Variants in SOAT1 observed in about 807,000 individuals in gnomAD.
SOAT1 encodes acyl-coenzyme A:cholesterol acyltransferase 1.
A neutral mutation model predicts 69.5 loss-of-function variants in SOAT1; 55 were observed. That is an observed-to-expected ratio of 0.79 (90% CI 0.64 to 0.99). The LOEUF (loss-of-function observed/expected upper bound fraction) is 0.99, where lower values mean the gene tolerates loss of function less well. Ranked by LOEUF, SOAT1 falls within the 50% of genes least tolerant of loss-of-function variation. The pLI, the probability that SOAT1 is intolerant of heterozygous loss-of-function variation, is 0.00. For missense variants in SOAT1, 580 were observed against 669.3 expected, an observed-to-expected ratio of 0.87 and a Z score of 1.47; for synonymous variants, 231 against 224.7, an observed-to-expected ratio of 1.03 and a Z score of -0.25.
At chr1:179,333,863 A>G (rs1666057903) in intron 3 of SOAT1, among the ~76,000 whole-genome samples, 1 of 152,006 alleles carries the variant, frequency 6.6e-6, no homozygotes, top group African/African-American at 2.4e-5. Context: ...TCAAGGAAGA[A>G]CTCATTTTTT....
chr1:179,343,821 T>G (rs1666425242), intron 10 of SOAT1, among the ~76,000 whole-genome samples, 186 bp downstream of exon 10: 1 of 152,222 alleles, frequency 6.6e-6, no homozygotes, highest in South Asian at 2.1e-4. Context: ...AGTAATTTTC[T>G]TTAATAAAAG....
intron 2 of SOAT1, among the ~76,000 whole-genome samples, chr1:179,321,255 C>G (rs1478984123): frequency 2.9e-4 from 44 of 152,104 alleles, no homozygotes; most frequent in Admixed American, 2.9e-3. Flanking sequence ...GCAATCATTT[C>G]TGGTTGAGGA....
intron 2 of SOAT1, among the ~76,000 whole-genome samples, chr1:179,322,605 A>G (rs147548337): frequency 5.0e-4 from 76 of 152,304 alleles, no homozygotes; most frequent in African/African-American, 1.7e-3. Context: ...GAGGAATTGC[A>G]CTTATGTCTG....
In SOAT1 at chr1:179,324,960, G is replaced by A. The variant is rs1358572605; in HGVS notation, c.177+1465G>A. On this transcript the variant is annotated intron_variant, in intron 3 of 15. Transcript: ENST00000367619. ...TGAGACTACAGGCACATGCCACCAC[G>A]CCTGGCTAATTTTTTGTAATTTTTA... is the stretch of plus-strand genomic sequence containing the variant. 2.7e-5 allele frequency among the ~76,000 whole-genome samples: 4 copies of A among 150,338 alleles called. No homozygotes were observed. The South Asian group carries it at 6.4e-4, about 24-fold the overall frequency.
In SOAT1 at chr1:179,344,979, C is replaced by A; in HGVS notation, c.1020C>A (p.Ile340=). 1 of 1,614,078 alleles carries A rather than the reference C, an allele frequency of 6.2e-7. No individual in the cohort carries two copies. The highest frequency in any genetic ancestry group is 2.2e-5 in the East Asian group (1 of 44,872). ...GTTGCTTTTTCTATGTGTACTACAT[C>A]TTTGAAAGGCTTTGTGCCCCCTTGT... ...VFGCFFYVYY[I]FERLCAPLFR... is the part of the protein sequence containing the mutation. The change falls in exon 11 of 16, where the codon ATC becomes ATA. Residue 340 remains isoleucine (I), a synonymous_variant. Transcript: ENST00000367619.
chr1:179,336,723 A>G (rs1024167853), intron 4 of SOAT1, among the ~76,000 whole-genome samples: 5 of 152,072 alleles, frequency 3.3e-5, no homozygotes, highest in Non-Finnish European at 7.4e-5. Flanking sequence ...ATGGCTGGGC[A>G]TGGTGGCTCA....
chr1:179,320,350 T>C (rs545281555), intron 2 of SOAT1, among the ~76,000 whole-genome samples: 2 of 152,174 alleles, frequency 1.3e-5, no homozygotes, highest in Admixed American at 6.6e-5. Flanking sequence ...ATCATAAAGG[T>C]GAATGTTTAT....
At chr1:179,347,387 A>G (rs1666571905) in intron 11 of SOAT1, among the ~76,000 whole-genome samples, 2 of 149,648 alleles carry the variant, frequency 1.3e-5, no homozygotes, top group African/African-American at 2.5e-5. Context: ...CAGACTGGGT[A>G]ATGTCATTTG....
intron 3 of SOAT1, among the ~76,000 whole-genome samples, chr1:179,327,255 T>G (rs1665825383): frequency 6.6e-6 from 1 of 152,202 alleles, no homozygotes; most frequent in African/African-American, 2.4e-5. Flanking sequence ...TAATTCCTCT[T>G]GTGGGTTTTT....
rs1453492683 is a variant in SOAT1 at position 179,341,047 on chromosome 1, C to G, written c.517C>G (p.Leu173Val). Residue 173 changes from leucine to valine, a missense_variant, in exon 7 of 16, where the codon CTC (leucine) becomes GTC (valine). Physicochemically the swap from Leu to Val is conservative, Grantham distance 32 (BLOSUM62 1). Coordinates refer to ENST00000367619, the MANE Select transcript of SOAT1 (RefSeq NM_003101.6). ...CCCCAGGCTGGTGCTTGAGTTCAGC[C>G]TCCTGTCTTATGCTTTTGGCAAATT... ...DEGRLVLEFS[L>V]LSYAFGKFPT... 1 of 1,614,072 alleles carries G rather than the reference C, an allele frequency of 6.2e-7. No homozygotes were observed. Among genetic ancestry groups the G allele is most frequent in the Admixed American group, 1.7e-5 (1 of 60,010 alleles).
intron 12 of SOAT1, among the ~76,000 whole-genome samples, chr1:179,348,495 C>T (rs1666608041): frequency 6.6e-6 from 1 of 152,018 alleles, no homozygotes; most frequent in African/African-American, 2.4e-5. Flanking sequence ...TTTCTCATGA[C>T]ATTCTAGTAG....
chr1:179,323,297 C>T, intron 2 of SOAT1, 140 bp from the exon 3 acceptor site: 1 of 600,064 alleles, frequency 1.7e-6, no homozygotes, highest in Non-Finnish European at 2.9e-6. Context: ...GTTATTTTGA[C>T]CATGCTGTCG....
intron 2 of SOAT1, among the ~76,000 whole-genome samples, chr1:179,319,854 G>A (rs1169812736): frequency 6.6e-6 from 1 of 152,086 alleles, no homozygotes; most frequent in African/African-American, 2.4e-5. Flanking sequence ...GGGCTTAAGT[G>A]ATCCTCCCAC....
intron 1 of SOAT1, among the ~76,000 whole-genome samples, chr1:179,300,817 C>T (rs933851451): frequency 1.3e-5 from 2 of 151,864 alleles, no homozygotes; most frequent in East Asian, 1.9e-4. Flanking sequence ...TTTTTTTGGC[C>T]GGGTGCGGTG....
chr1:179,311,750 CTT>C (rs1665229411), intron 2 of SOAT1, among the ~76,000 whole-genome samples: 1 of 152,042 alleles, frequency 6.6e-6, no homozygotes, highest in African/African-American at 2.4e-5. Flanking sequence ...TATATAATAA[CTT>C]GATAAGTGTT....
At chr1:179,334,907 C>T (rs188274469) in intron 3 of SOAT1, among the ~76,000 whole-genome samples, 138 of 149,130 alleles carry the variant, frequency 9.3e-4, no homozygotes, top group Middle Eastern at 3.5e-3. Context: ...CCCAGCTACT[C>T]GGGAATCTGA....
At chr1:179,307,567 A>T (rs199543456) in intron 2 of SOAT1, among the ~76,000 whole-genome samples, 55 of 86,270 alleles carry the variant, frequency 6.4e-4, no homozygotes, top group African/African-American at 2.4e-3. Context: ...CCCATCTCTT[A>T]AAAAAAAATG....
At chr1:179,342,242 C>G in intron 8 of SOAT1, 50 bp downstream of exon 8, 1 of 1,190,186 alleles carries the variant, frequency 8.4e-7, no homozygotes, top group South Asian at 1.3e-5. Context: ...CCCTCCTCTC[C>G]CCCCACCCCA....
chr1:179,356,990 A>G lies in SOAT1; in HGVS notation c.*3349A>G, dbSNP rs376748641. 2 of 151,872 alleles carry G rather than the reference A, an allele frequency of 1.3e-5. No homozygotes were observed. The highest frequency in any genetic ancestry group is 2.1e-4 in the South Asian group (1 of 4,812). 9.4% of individuals were successfully genotyped at this position (151,872 alleles called of 1,614,324 possible). A position where few individuals can be genotyped will look rare whatever the true frequency, so the allele number is the denominator to read the frequency against. On this transcript the variant is annotated 3_prime_UTR_variant, in exon 16 of 16. Coordinates refer to ENST00000367619, the MANE Select transcript of SOAT1 (RefSeq NM_003101.6). ...GAGCCACCATGCCAAGCCCATACTT[A>G]TTGTTAATAAAGTTTCAGTGACTTG...
Sources: allele counts gnomAD v4.1 joint callset (sites outside exome capture counted in the v4.1 genomes callset), GRCh38; gene constraint gnomAD v4.1.1; transcripts MANE v1.5; gene names NCBI Gene and HGNC (gene_info 2026-07-23, HGNC 2026-07-21).